MCM5: variants seen among roughly 807,000 people sequenced by gnomAD.
MCM5 encodes the protein minichromosome maintenance complex component 5.
MCM5 carries 46 observed loss-of-function variants against 79.9 expected under a neutral mutation model. The ratio of observed to expected loss-of-function variants is 0.58; its 90% CI spans 0.45 to 0.74. The LOEUF (loss-of-function observed/expected upper bound fraction) is 0.74. MCM5 is among the 30% of genes least tolerant of loss of function. MCM5 has a pLI of 0.00. For missense variants in MCM5, 883 were observed against 1,017.0 expected (o/e 0.87, Z 1.79); for synonymous variants, 404 against 390.5 (o/e 1.03, Z -0.41).
chr22:35,415,894 G>A lies in MCM5; in HGVS notation c.1269G>A (p.Ser423=), dbSNP rs140049992. Reference sequence around the variant, plus strand: ...CAGCCTCGGTGATGAGGGACCCTTCGTCCCGGAATTTCATCATGGAGGGCG... The same window carrying A: ...CAGCCTCGGTGATGAGGGACCCTTCATCCCGGAATTTCATCATGGAGGGCG... The part of the protein sequence containing the change: ...GLTASVMRDP[S]SRNFIMEGGA... Residue 423 remains serine, a synonymous_variant, in exon 10 of 17, where the codon TCG becomes TCA. Transcript: ENST00000216122. 96 of 1,614,142 alleles carry A rather than the reference G, an allele frequency of 5.9e-5. 3 individuals are homozygous for A. The African/African-American group carries it at 7.9e-4, about 13-fold the overall frequency.
rs1191942718 is a variant in MCM5, at chr22:35,400,576, C to T, written c.138C>T (p.Thr46=). ...TCCTGCGGCAGTACCGAGTGGGCACCGACCGCACGGGCTTCACCTTCAAAT... is the reference window on the plus strand; with the variant it reads ...TCCTGCGGCAGTACCGAGTGGGCACTGACCGCACGGGCTTCACCTTCAAAT... ...KEFLRQYRVG[T]DRTGFTFKYR... The change falls in exon 2 of 17, where the codon ACC becomes ACT. Residue 46 remains threonine (T), a synonymous_variant. Transcript: ENST00000216122. 1 of 1,612,902 alleles carries T rather than the reference C, an allele frequency of 6.2e-7. No individual in the cohort carries two copies. Among genetic ancestry groups the T allele is most frequent in the African/African-American group, 1.3e-5 (1 of 74,900 alleles).
chr22:35,421,285 G>A (rs1176378818), intron 14 of MCM5, 33 bp from the exon 15 acceptor site: 7 of 1,600,198 alleles, frequency 4.4e-6, no homozygotes, highest in Admixed American at 1.7e-5. Context: ...ATAGCGGACC[G>A]AGGCTACCCT....
At chr22:35,402,316 G>A (rs1392609449) in intron 2 of MCM5, among the ~76,000 whole-genome samples, 5 of 150,980 alleles carry the variant, frequency 3.3e-5, no homozygotes, top group African/African-American at 1.2e-4. Context: ...CAGTTTTTTT[G>A]TTGTTTTGTT....
chr22:35,400,264 G>A lies in MCM5; in HGVS notation c.-9+56G>A, dbSNP rs4645731. 358 of 675,032 alleles carry A rather than the reference G, an allele frequency of 5.3e-4. 1 individual carries two copies. In the African/African-American group the frequency reaches 6.0e-3, roughly 11 times the overall value. 41.8% of individuals were successfully genotyped at this position (675,032 alleles called of 1,614,324 possible). A position where few individuals can be genotyped will look rare whatever the true frequency, so the allele number is the denominator to read the frequency against. Reference sequence around the variant, plus strand: ...GGAGCCAGCAGGCATCTGGATTTCCGGGTGTAGTTGGAGTGGGACAGGAGT... The same window carrying A: ...GGAGCCAGCAGGCATCTGGATTTCCAGGTGTAGTTGGAGTGGGACAGGAGT... On this transcript the variant is annotated intron_variant, in intron 1 of 16. Transcript: ENST00000216122.
rs1481632103 is a variant in MCM5 at position 35,412,507 on chromosome 22, A to G, written c.920-3A>G. 1.9e-6 allele frequency: 3 copies of G among 1,538,656 alleles called. No individual in the cohort carries two copies. The African/African-American group carries it at 4.2e-5, about 21-fold the overall frequency. On this transcript the variant is annotated splice_polypyrimidine_tract_variant and splice_region_variant and intron_variant, in intron 7 of 16. Coordinates refer to ENST00000216122, the MANE Select transcript of MCM5 (RefSeq NM_006739.4). ...CACTCATGCGCCTGCTTTGCCTACC[A>G]AGGCCGCAGCTTTGCTGGGGCCGTG...
At chr22:35,408,799 G>C (rs972860047) in intron 6 of MCM5, among the ~76,000 whole-genome samples, 5 of 152,364 alleles carry the variant, frequency 3.3e-5, no homozygotes, top group Middle Eastern at 3.4e-3. Context: ...GTAACTTGGA[G>C]AGATTAAATG....
At chr22:35,416,051 A>G (rs910794098) in intron 10 of MCM5, 79 bp downstream of exon 10, 10 of 1,533,772 alleles carry the variant, frequency 6.5e-6, no homozygotes, top group Middle Eastern at 1.7e-4. Context: ...GCCAGCAGAA[A>G]TCACCTCTGA....
At chr22:35,442,474 A>G in the MCM5 span, among the ~76,000 whole-genome samples, 9 of 152,186 alleles carry the variant, frequency 5.9e-5, no homozygotes, top group Non-Finnish European at 1.2e-4. Flanking sequence ...TCACCGGGCT[A>G]CAGTCAAAGT....
intron 4 of MCM5, 124 bp downstream of exon 4, chr22:35,403,666 CAAA>C: frequency 7.4e-6 from 9 of 1,212,904 alleles, no homozygotes; most frequent in South Asian, 1.5e-5. Context: ...CTCCTGGAGA[CAAA>C]AGGATCGTTT....
chr22:35,438,670 T>C, the MCM5 span, among the ~76,000 whole-genome samples: 1 of 140,146 alleles, frequency 7.1e-6, no homozygotes, highest in Admixed American at 7.1e-5. Flanking sequence ...CATCCACATA[T>C]TCACCCATCC....
At chr22:35,400,645 G>A (rs1467996820) in intron 2 of MCM5, 40 bp downstream of exon 2, 1 of 1,540,422 alleles carries the variant, frequency 6.5e-7, no homozygotes, top group East Asian at 2.4e-5. Context: ...GTTCCAGTGT[G>A]GCCGCTCACA....
chr22:35,407,608 A>C (rs4645766), intron 5 of MCM5, among the ~76,000 whole-genome samples: 2 of 152,024 alleles, frequency 1.3e-5, no homozygotes, highest in Non-Finnish European at 2.9e-5. Context: ...TGTTTCCTCT[A>C]CTGGGAGTGC....
downstream of MCM5, among the ~76,000 whole-genome samples, chr22:35,428,026 T>C (rs1323888014): frequency 6.7e-6 from 1 of 149,998 alleles, no homozygotes; most frequent in African/African-American, 2.4e-5. Context: ...TCTCTCTTTT[T>C]TTTTTTTTTT....
At chr22:35,408,229 G>T (rs1471045805) in intron 5 of MCM5, among the ~76,000 whole-genome samples, 179 bp from the exon 6 acceptor site, 1 of 152,206 alleles carries the variant, frequency 6.6e-6, no homozygotes, top group Non-Finnish European at 1.5e-5. Context: ...AGGTCCGTCA[G>T]TGTTGCCTTC....
the MCM5 span, among the ~76,000 whole-genome samples, chr22:35,441,585 G>T: frequency 1.3e-5 from 2 of 152,176 alleles, no homozygotes; most frequent in African/African-American, 4.8e-5. Context: ...GAGTGAGTGG[G>T]ATTGGAACCC....
In MCM5 at chr22:35,417,879, C is replaced by T. The variant is rs368759160; in HGVS notation, c.1703+23C>T. 1.7e-4 allele frequency: 266 copies of T among 1,580,706 alleles called. 4 individuals are homozygous for T. Among genetic ancestry groups the T allele is most frequent in the South Asian group, 9.6e-4 (87 of 90,368 alleles). ...AGTGTGAGTCCTGGACGCAGGCCCA[C>T]GGGGGTGAGGTTGCCCAGCTTCCCT... On this transcript the variant is annotated intron_variant, in intron 13 of 16. Transcript: ENST00000216122.
rs1283817982 is a variant in MCM5, at chr22:35,424,822, A to C, written c.*567A>C. 1 of 152,300 alleles carries C rather than the reference A, an allele frequency of 6.6e-6. No homozygotes were observed. The highest frequency in any genetic ancestry group is 1.5e-5 in the Non-Finnish European group (1 of 68,088). 9.4% of individuals were successfully genotyped at this position (152,300 alleles called of 1,614,324 possible). A position where few individuals can be genotyped will look rare whatever the true frequency, so the allele number is the denominator to read the frequency against. ...GGCTGCGAGCCGTGGTGCGGCGGTC[A>C]GACTGCCTGGATTCATGGACCCTCT... On this transcript the variant is annotated 3_prime_UTR_variant, in exon 17 of 17. Transcript: ENST00000216122.
chr22:35,447,894 T>C, the MCM5 span, among the ~76,000 whole-genome samples: 4 of 152,080 alleles, frequency 2.6e-5, no homozygotes, highest in Admixed American at 1.3e-4. Context: ...GCCCCCTCAG[T>C]CTTCACAGAT....
At chr22:35,444,279 G>T in the MCM5 span, among the ~76,000 whole-genome samples, 4 of 151,646 alleles carry the variant, frequency 2.6e-5, no homozygotes, top group Admixed American at 1.3e-4. Context: ...GTGGAGAGAG[G>T]GGGGCTTGAG....
Sources: allele counts gnomAD v4.1 joint callset (sites outside exome capture counted in the v4.1 genomes callset), GRCh38; gene constraint gnomAD v4.1.1; transcripts MANE v1.5; gene names NCBI Gene and HGNC (gene_info 2026-07-23, HGNC 2026-07-21).